Variants in ADGB observed in about 807,000 individuals in gnomAD.
ADGB encodes calpain-7-like protein.
ADGB carries 172 observed loss-of-function variants against 210.5 expected under a neutral mutation model. The ratio of observed to expected loss-of-function variants is 0.82; its 90% CI spans 0.72 to 0.93. The LOEUF (loss-of-function observed/expected upper bound fraction) is 0.93, where lower values mean the gene tolerates loss of function less well. Ranked by LOEUF, ADGB falls within the 40% of genes least tolerant of loss-of-function variation. ADGB has a pLI of 0.00. For missense variants in ADGB, 2,025 were observed against 1,964.8 expected (o/e 1.03, Z -0.58); for synonymous variants, 658 against 662.7 (o/e 0.99, Z 0.11).
intron 33 of ADGB, among the ~76,000 whole-genome samples, chr6:146,793,978 T>C (rs1221438620): frequency 1.3e-5 from 2 of 152,284 alleles, no homozygotes; most frequent in Admixed American, 1.3e-4. Context: ...AGAAATCCTT[T>C]GAGAGTGTGT....
At chr6:146,740,623 C>T (rs928286421) in intron 24 of ADGB, 30 bp downstream of exon 24, 2 of 1,539,552 alleles carry the variant, frequency 1.3e-6, no homozygotes, top group African/African-American at 2.8e-5. Context: ...ACAAATATGT[C>T]TCTAAATGGC....
chr6:146,730,615 A>G (rs556071635), intron 20 of ADGB, among the ~76,000 whole-genome samples: 1 of 152,332 alleles, frequency 6.6e-6, no homozygotes, highest in African/African-American at 2.4e-5. Context: ...TCTCCCAAAG[A>G]AACTTGGAAA....
rs567964457 is a variant in ADGB at position 146,777,089 on chromosome 6, T to G, written c.3863-4931T>G. ...GGTGGTTTGTCCCCCAATTTGAAAG[T>G]AGCTAATAAATGGGCACCAAGTAAT... On this transcript the variant is annotated intron_variant, in intron 29 of 35. Transcript: ENST00000397944. Among the ~76,000 whole-genome samples the G allele has an allele frequency of 2.7e-4, 41 of 152,080 alleles. No homozygotes were observed. In the South Asian group the frequency reaches 8.3e-3, roughly 31 times the overall value.
rs1778376075 is a variant in ADGB, at chr6:146,815,348, C to T, written c.*131C>T. The stretch of plus-strand genomic sequence containing the variant: ...TCTCTTTCTTAGAAATATTTTAATG[C>T]TAACTTGTTAGTTTTCCTCAGAAAG... On this transcript the variant is annotated 3_prime_UTR_variant, in exon 36 of 36. Transcript: ENST00000397944. 1.5e-6 allele frequency: 1 copy of T among 688,762 alleles called. No homozygotes were observed. Among genetic ancestry groups the T allele is most frequent in the Non-Finnish European group, 2.1e-6 (1 of 469,218 alleles). The allele number at this position is 688,762 out of a possible 1,614,324, so 42.7% of individuals were successfully genotyped here.
intron 1 of ADGB, among the ~76,000 whole-genome samples, chr6:146,623,628 C>T (rs1385542238): frequency 1.3e-5 from 2 of 151,886 alleles, no homozygotes; most frequent in Non-Finnish European, 2.9e-5. Context: ...ACAATCATGT[C>T]ATCTGCAAAT....
Position 146,656,910 on chromosome 6 carries a change from G to A in ADGB, c.542G>A (p.Cys181Tyr), listed in dbSNP as rs1775789954. 1.3e-6 allele frequency: 2 copies of A among 1,551,516 alleles called. No individual in the cohort carries two copies. Among genetic ancestry groups the A allele is most frequent in the African/African-American group, 2.7e-5 (2 of 73,036 alleles). ...CCCTGGGAACACATATACTCTCTGT[G>A]CAAGGCTGTGAAGGGTCATATGCCT... ...WKPWEHIYSL[C>Y]KAVKGHMPLF... The change falls in exon 5 of 36, where the codon TGC becomes TAC. Residue 181 changes from cysteine (C) to tyrosine (Y), a missense_variant. Cys to Tyr is a radical substitution (Grantham distance 194). Transcript: ENST00000397944.
chr6:146,681,787 G>T (rs1776161708), intron 9 of ADGB, among the ~76,000 whole-genome samples: 1 of 152,046 alleles, frequency 6.6e-6, no homozygotes, highest in Non-Finnish European at 1.5e-5. Flanking sequence ...ACATTGTCTG[G>T]TAGGAAGTGG....
In ADGB at chr6:146,654,199, G is replaced by A; in HGVS notation, c.395G>A (p.Cys132Tyr). The change falls in exon 4 of 36, where the codon TGC (cysteine) becomes TAC (tyrosine). Residue 132 changes from cysteine to tyrosine, a missense_variant. By Grantham distance (194) the Cys-to-Tyr change is radical. Coordinates refer to ENST00000397944, the MANE Select transcript of ADGB (RefSeq NM_024694.4). Reference sequence around the variant, plus strand: ...TTTTCAGCAAATGAACATTTACTCTGCAGCGAGGTATGTACAGAAATATGA... The same window carrying A: ...TTTTCAGCAAATGAACATTTACTCTACAGCGAGGTATGTACAGAAATATGA... The part of the protein sequence containing the change: ...DLFSANEHLL[C>Y]SELMRWIISE... 1 of 1,543,344 alleles carries A rather than the reference G, an allele frequency of 6.5e-7. No homozygotes were observed. The highest frequency in any genetic ancestry group is 1.2e-5 in the South Asian group (1 of 83,236).
rs1775431181 is a variant in ADGB at position 146,636,860 on chromosome 6, T to C, written c.237+1323T>C. Among the ~76,000 whole-genome samples, 3 of 152,114 alleles carry C rather than the reference T, an allele frequency of 2.0e-5. No individual in the cohort carries two copies. The South Asian group carries it at 6.2e-4, about 32-fold the overall frequency. On this transcript the variant is annotated intron_variant, in intron 2 of 35. Coordinates refer to ENST00000397944, the MANE Select transcript of ADGB (RefSeq NM_024694.4). ...AGATTAATTTCCTTAAGCATCCAAA[T>C]ATAACAAGTATCCTGGGAGTTTTGC...
chr6:146,739,070 A>G (rs745569754), intron 23 of ADGB, among the ~76,000 whole-genome samples: 6 of 152,152 alleles, frequency 3.9e-5, no homozygotes, highest in Non-Finnish European at 8.8e-5. Context: ...ATGGCCCTAC[A>G]TTCATTAAAC....
chr6:146,731,361 A>AG (rs887745464), intron 20 of ADGB, among the ~76,000 whole-genome samples: 10 of 151,646 alleles, frequency 6.6e-5, no homozygotes, highest in Non-Finnish European at 1.5e-4. Flanking sequence ...ATATGACAAA[A>AG]AAAAAAAAAG....
intron 33 of ADGB, among the ~76,000 whole-genome samples, chr6:146,792,113 G>A (rs1242733523): frequency 2.0e-5 from 3 of 151,892 alleles, no homozygotes; most frequent in Non-Finnish European, 4.4e-5. Flanking sequence ...CCAGTACCAT[G>A]TTGTTTTGAT....
chr6:146,720,788 C>T lies in ADGB; in HGVS notation c.1993-615C>T, dbSNP rs1245584384. Among the ~76,000 whole-genome samples, 5 of 152,146 alleles carry T rather than the reference C, an allele frequency of 3.3e-5. No homozygotes were observed. In the East Asian group the frequency reaches 9.7e-4, roughly 29 times the overall value. ...TTCAAACAACCAGATCTCCTGAGAA[C>T]TCCATCGCTAGAAAAGCAAGGGACA... On this transcript the variant is annotated intron_variant, in intron 16 of 35. Coordinates refer to ENST00000397944, the MANE Select transcript of ADGB (RefSeq NM_024694.4).
intron 9 of ADGB, among the ~76,000 whole-genome samples, chr6:146,677,556 A>G (rs757685695): frequency 5.9e-5 from 9 of 152,290 alleles, no homozygotes; most frequent in Non-Finnish European, 1.3e-4. Flanking sequence ...GCCTTAAGCA[A>G]TATTTTTTGA....
intron 29 of ADGB, among the ~76,000 whole-genome samples, chr6:146,772,810 T>C (rs1254635735): frequency 6.6e-6 from 1 of 151,922 alleles, no homozygotes; most frequent in Admixed American, 6.6e-5. Context: ...AATGACACCT[T>C]GAAATGTGTG....
At chr6:146,613,180 A>G (rs772938767) in intron 1 of ADGB, among the ~76,000 whole-genome samples, 2 of 152,246 alleles carry the variant, frequency 1.3e-5, no homozygotes, top group African/African-American at 4.8e-5. Flanking sequence ...TGTATTGAAA[A>G]AGAAATAAAT....
At chr6:146,812,015 T>G (rs543967154) in intron 35 of ADGB, among the ~76,000 whole-genome samples, 2 of 152,322 alleles carry the variant, frequency 1.3e-5, no homozygotes, top group South Asian at 4.1e-4. Context: ...CTTTTTCTAT[T>G]TCTGATTTTT....
chr6:146,685,887 G>A, intron 10 of ADGB, 59 bp downstream of exon 10: 2 of 1,041,094 alleles, frequency 1.9e-6, no homozygotes, highest in Non-Finnish European at 2.7e-6. Flanking sequence ...GTGCACGTGT[G>A]TGTGTGATTA....
At chr6:146,633,703 T>G (rs1231314097) in intron 1 of ADGB, among the ~76,000 whole-genome samples, 1 of 152,064 alleles carries the variant, frequency 6.6e-6, no homozygotes, top group Non-Finnish European at 1.5e-5. Context: ...TAACCATTGT[T>G]TTAAAAATTG....
Sources: gnomAD v4.1 joint callset for allele counts (sites outside exome capture counted in the v4.1 genomes callset) on GRCh38, gnomAD v4.1.1 for gene constraint, MANE v1.5 for transcripts, NCBI Gene and HGNC (gene_info 2026-07-23, HGNC 2026-07-21) for gene names.